EHBP1: variants seen among roughly 807,000 people sequenced by gnomAD.
EHBP1 encodes the protein EH domain-binding protein 1.
EHBP1 carries 55 observed loss-of-function variants against 144.0 expected under a neutral mutation model. The ratio of observed to expected loss-of-function variants is 0.38; its 90% CI spans 0.31 to 0.48. The LOEUF is 0.48. EHBP1 is among the 20% of genes least tolerant of loss of function. The pLI, the probability that EHBP1 is intolerant of heterozygous loss-of-function variation, is 0.98. For missense variants in EHBP1, 1,200 were observed against 1,364.2 expected (o/e 0.88, Z 1.90); for synonymous variants, 469 against 472.7 (o/e 0.99, Z 0.10).
At chr2:62,703,656 A>G (rs1026979735), upstream of EHBP1, among the ~76,000 whole-genome samples, 6 of 152,220 alleles carry the variant, frequency 3.9e-5, no homozygotes, top group Non-Finnish European at 7.3e-5. Flanking sequence ...TACATCCAAG[A>G]CAAATATTTC....
At chr2:62,831,548 T>A (rs981478868) in intron 7 of EHBP1, among the ~76,000 whole-genome samples, 1 of 152,212 alleles carries the variant, frequency 6.6e-6, no homozygotes, top group Non-Finnish European at 1.5e-5. Context: ...TTTATTTACT[T>A]GAATTATGTG....
At chr2:62,818,054 C>G (rs565623509) in intron 5 of EHBP1, among the ~76,000 whole-genome samples, 1 of 151,624 alleles carries the variant, frequency 6.6e-6, no homozygotes, top group Non-Finnish European at 1.5e-5. Flanking sequence ...TTTAAGTACC[C>G]CTGGAACATT....
At chr2:63,009,722 C>T (rs2060192052) in intron 19 of EHBP1, among the ~76,000 whole-genome samples, 1 of 151,428 alleles carries the variant, frequency 6.6e-6, no homozygotes, top group South Asian at 2.1e-4. Context: ...ATACATAGTA[C>T]AATTTGTACT....
intron 7 of EHBP1, among the ~76,000 whole-genome samples, chr2:62,850,056 G>A (rs1398863896): frequency 6.6e-6 from 1 of 152,150 alleles, no homozygotes; most frequent in Non-Finnish European, 1.5e-5. Flanking sequence ...AACAGACTGA[G>A]ACAGAACTCT....
intron 5 of EHBP1, among the ~76,000 whole-genome samples, chr2:62,800,087 A>G (rs1328736968): frequency 6.6e-6 from 1 of 152,218 alleles, no homozygotes; most frequent in African/African-American, 2.4e-5. Flanking sequence ...AGTCATGTCC[A>G]GCCCATAATT....
At chr2:62,717,398 G>A (rs1474941400) in intron 2 of EHBP1, among the ~76,000 whole-genome samples, 1 of 152,190 alleles carries the variant, frequency 6.6e-6, no homozygotes, top group Non-Finnish European at 1.5e-5. Flanking sequence ...TTCACTGCAT[G>A]ATATAAAAAT....
In EHBP1 at chr2:62,988,063, G is replaced by A. The variant is rs112638337; in HGVS notation, c.2609-2653G>A. 2.0e-4 allele frequency: 271 copies of A among 1,327,798 alleles called. 1 individual carries two copies. The African/African-American group carries it at 3.1e-3, about 15-fold the overall frequency. 82.3% of individuals were successfully genotyped at this position (1,327,798 alleles called of 1,614,324 possible). The stretch of plus-strand genomic sequence containing the variant: ...GGTAATTTCAAATTATAAATGTTTT[G>A]TGTCCTGCTGCATGGCAAACTTTAT... On this transcript the variant is annotated intron_variant, in intron 15 of 22. Coordinates refer to ENST00000431489, the MANE Select transcript of EHBP1 (RefSeq NM_001142616.3).
chr2:62,873,661 A>T (rs2050659742), intron 9 of EHBP1, among the ~76,000 whole-genome samples: 1 of 152,172 alleles, frequency 6.6e-6, no homozygotes, highest in Non-Finnish European at 1.5e-5. Context: ...TAGACATGTC[A>T]TGGGTGTCAA....
intron 21 of EHBP1, among the ~76,000 whole-genome samples, chr2:63,043,182 C>G (rs1424454310): frequency 2.0e-5 from 3 of 152,126 alleles, no homozygotes. Flanking sequence ...CTGAATAAGA[C>G]TGATTTAAGA....
At chr2:62,891,815 C>T (rs1453565523) in intron 10 of EHBP1, among the ~76,000 whole-genome samples, 2 of 151,904 alleles carry the variant, frequency 1.3e-5, no homozygotes, top group Non-Finnish European at 2.9e-5. Context: ...TTTTTTTAAA[C>T]TTCCAATAAT....
intron 17 of EHBP1, 47 bp downstream of exon 17, chr2:62,993,715 T>G (rs746643491): frequency 4.7e-6 from 5 of 1,054,672 alleles, no homozygotes; most frequent in Non-Finnish European, 5.2e-6. Flanking sequence ...TTTAACTATA[T>G]ATAGATATCT....
At chr2:62,719,310 T>A (rs1240280433) in intron 2 of EHBP1, among the ~76,000 whole-genome samples, 3 of 152,216 alleles carry the variant, frequency 2.0e-5, no homozygotes, top group African/African-American at 4.8e-5. Flanking sequence ...TCTTAAGTAC[T>A]TGCATTATAA....
chr2:62,822,865 T>G (rs1447589895), intron 5 of EHBP1, among the ~76,000 whole-genome samples: 1 of 152,152 alleles, frequency 6.6e-6, no homozygotes, highest in Non-Finnish European at 1.5e-5. Context: ...CCAACCGCAA[T>G]AGACTGTATT....
chr2:62,763,468 C>T (rs1422701260), intron 3 of EHBP1, among the ~76,000 whole-genome samples: 4 of 152,144 alleles, frequency 2.6e-5, no homozygotes, highest in Non-Finnish European at 4.4e-5. Context: ...TAAGTAAATT[C>T]TTAAGACATG....
intron 19 of EHBP1, among the ~76,000 whole-genome samples, chr2:63,021,898 T>C (rs2153277548): frequency 6.6e-6 from 1 of 151,552 alleles, no homozygotes; most frequent in East Asian, 1.9e-4. Flanking sequence ...TTCTGAGTAG[T>C]TGGGATTACA....
chr2:62,678,430 G>T (rs1408178013), intron 1 of EHBP1, among the ~76,000 whole-genome samples: 1 of 151,998 alleles, frequency 6.6e-6, no homozygotes, highest in African/African-American at 2.4e-5. Context: ...TCATTCTGTG[G>T]GTTGTTTCTT....
At chr2:62,746,408 A>G (rs895326651) in intron 2 of EHBP1, among the ~76,000 whole-genome samples, 3 of 151,926 alleles carry the variant, frequency 2.0e-5, no homozygotes, top group African/African-American at 7.2e-5. Context: ...ATATGTATTT[A>G]ATTAAATGAA....
At chr2:62,774,478 T>C (rs1226923488) in intron 5 of EHBP1, among the ~76,000 whole-genome samples, 1 of 152,196 alleles carries the variant, frequency 6.6e-6, no homozygotes, top group Non-Finnish European at 1.5e-5. Flanking sequence ...TTTTCAAGTA[T>C]TAGCAGTTTG....
At chr2:63,018,106 A>G (rs919671549) in intron 19 of EHBP1, among the ~76,000 whole-genome samples, 1 of 152,218 alleles carries the variant, frequency 6.6e-6, no homozygotes, top group Non-Finnish European at 1.5e-5. Context: ...TTGCAGCTAC[A>G]GTGAGCTATG....
Sources: allele counts gnomAD v4.1 joint callset (sites outside exome capture counted in the v4.1 genomes callset), GRCh38; gene constraint gnomAD v4.1.1; transcripts MANE v1.5; gene names NCBI Gene and HGNC (gene_info 2026-07-23, HGNC 2026-07-21).